Variants in A2M observed in about 807,000 individuals in gnomAD.
A2M encodes C3 and PZP-like alpha-2-macroglobulin domain-containing protein 5.
In A2M, 128 loss-of-function variants were observed where a neutral mutation model predicts 183.9. The ratio of observed to expected loss-of-function variants is 0.70; its 90% CI spans 0.60 to 0.81. The LOEUF is 0.81. Among genes scored for constraint, A2M ranks in the 30% least tolerant of loss-of-function variants. A2M has a pLI of 0.00. For synonymous variants in A2M, 592 were observed against 670.8 expected (o/e 0.88, Z 1.81); for missense variants, 1,495 against 1,787.6 (o/e 0.84, Z 2.95).
intron 4 of A2M, among the ~76,000 whole-genome samples, chr12:9,111,797 T>A (rs1938748113): frequency 6.6e-6 from 1 of 152,216 alleles, no homozygotes; most frequent in South Asian, 2.1e-4. Flanking sequence ...ATAGTGAAGA[T>A]TTTGGTAGAT....
intron 33 of A2M, 76 bp downstream of exon 33, chr12:9,069,668 TG>T (rs933355195): frequency 8.4e-6 from 9 of 1,072,318 alleles, no homozygotes; most frequent in Non-Finnish European, 1.2e-5. Flanking sequence ...GTTTCTAAAA[TG>T]CATTTACCTT....
At position 9,089,893 on chromosome 12, in the gene A2M, T is replaced by C; in HGVS notation, c.2718+9A>G. On this transcript the variant is annotated intron_variant, in intron 21 of 35. Coordinates refer to ENST00000318602, the MANE Select transcript of A2M (RefSeq NM_000014.6). Reference sequence around the variant, plus strand: ...TATTGTGGACTATATATTATTTAGGTTTACTTACTTCAACCAACAGAGGCT... The same window carrying C: ...TATTGTGGACTATATATTATTTAGGCTTACTTACTTCAACCAACAGAGGCT... 7.5e-6 allele frequency: 12 copies of C among 1,604,210 alleles called. 2 individuals are homozygous for C. In the South Asian group the frequency reaches 1.2e-4, roughly 16 times the overall value.
chr12:9,083,143 G>A (rs6487587), intron 22 of A2M, among the ~76,000 whole-genome samples: 59,912 of 151,828 alleles, frequency 0.39, 12,888 homozygotes, highest in African/African-American at 0.55. Flanking sequence ...TGCAAGGACA[G>A]AAAAACAAAC....
chr12:9,083,769 A>G (rs1948977995), intron 22 of A2M, among the ~76,000 whole-genome samples: 2 of 150,938 alleles, frequency 1.3e-5, no homozygotes, highest in Non-Finnish European at 3.0e-5. Flanking sequence ...AAAAAAAAGC[A>G]GTAAGGGCTG....
intron 27 of A2M, 63 bp from the exon 28 acceptor site, chr12:9,076,999 A>G (rs1397135675): frequency 1.4e-6 from 2 of 1,445,718 alleles, no homozygotes; most frequent in African/African-American, 2.8e-5. Flanking sequence ...ATTCCCAGGC[A>G]AATACACGGA....
At chr12:9,078,675 TGTTA>T (rs747517211) in intron 25 of A2M, among the ~76,000 whole-genome samples, 1 of 152,236 alleles carries the variant, frequency 6.6e-6, no homozygotes, top group Non-Finnish European at 1.5e-5. Context: ...TACTTATTTT[TGTTA>T]GTTACTTGAG....
chr12:9,087,153 G>A (rs1949075149), intron 22 of A2M, among the ~76,000 whole-genome samples: 1 of 152,002 alleles, frequency 6.6e-6, no homozygotes, highest in Admixed American at 6.5e-5. Flanking sequence ...AAAATACAAT[G>A]TTCATGGATT....
intron 22 of A2M, among the ~76,000 whole-genome samples, chr12:9,086,732 C>T (rs1166267906): frequency 2.6e-5 from 4 of 152,148 alleles, no homozygotes; most frequent in Non-Finnish European, 5.9e-5. Context: ...TGGAACAAGA[C>T]AAGGATACCC....
chr12:9,079,167 C>T, intron 25 of A2M, 77 bp downstream of exon 25: 2 of 1,090,022 alleles, frequency 1.8e-6, no homozygotes, highest in Non-Finnish European at 2.8e-6. Context: ...GATAGTGTTG[C>T]TGTGAATATA....
chr12:9,102,339 T>C (rs751552750), intron 11 of A2M, among the ~76,000 whole-genome samples: 4 of 152,114 alleles, frequency 2.6e-5, no homozygotes, highest in African/African-American at 4.8e-5. Context: ...GTCAGCCTCC[T>C]GAGTTGCTAG....
intron 31 of A2M, among the ~76,000 whole-genome samples, chr12:9,070,825 AT>A (rs11438631): frequency 7.1e-4 from 103 of 145,730 alleles, no homozygotes; most frequent in East Asian, 1.0e-3. Flanking sequence ...GAGGATCTGC[AT>A]TTTTTTTTTT....
chr12:9,082,261 G>GCC (rs780452503), intron 22 of A2M, among the ~76,000 whole-genome samples: 48 of 152,120 alleles, frequency 3.2e-4, no homozygotes, highest in Non-Finnish European at 5.3e-4. Context: ...TAACCTCACA[G>GCC]CCCGGATTGT....
In A2M at chr12:9,101,472, AG is replaced by A; in HGVS notation, c.1468del (p.Leu490Ter). 1 of 1,613,828 alleles carries A rather than the reference AG, an allele frequency of 6.2e-7. No individual in the cohort carries two copies. The highest frequency in any genetic ancestry group is 8.5e-7 in the Non-Finnish European group (1 of 1,179,808). On this transcript the variant is annotated frameshift_variant, in exon 12 of 36. Coordinates refer to ENST00000318602, the MANE Select transcript of A2M (RefSeq NM_000014.6). LOFTEE classifies it high-confidence loss of function. ...YILNGGTLLG[L>X]KKLSFYYLIM... ...CAGATAATAGAAGGAGAGCTTCTTCAGCCCCAGCAGGGTGCCTCCATTCAGA... is the reference window on the plus strand; with the variant it reads ...CAGATAATAGAAGGAGAGCTTCTTCACCCCAGCAGGGTGCCTCCATTCAGA...
chr12:9,077,430 C>T lies in A2M; in HGVS notation c.3277-10G>A, dbSNP rs765945333. On this transcript the variant is annotated splice_polypyrimidine_tract_variant and intron_variant, in intron 26 of 35. Coordinates refer to ENST00000318602, the MANE Select transcript of A2M (RefSeq NM_000014.6). The stretch of plus-strand genomic sequence containing the variant: ...CATCTTCTACTCCTCCCTGTGAATA[C>T]GAGAGAGAGATCTGAATAATTCAAC... 14 of 1,608,280 alleles carry T rather than the reference C, an allele frequency of 8.7e-6. No homozygotes were observed. Among genetic ancestry groups the T allele is most frequent in the South Asian group, 3.3e-5 (3 of 90,340 alleles).
chr12:9,106,377 G>T, intron 9 of A2M, 32 bp from the exon 10 acceptor site: 1 of 1,526,422 alleles, frequency 6.6e-7, no homozygotes. Context: ...TGTTATTTTT[G>T]GGAAGAATGA....
intron 10 of A2M, among the ~76,000 whole-genome samples, chr12:9,105,629 G>A (rs1432034080): frequency 1.3e-5 from 2 of 152,126 alleles, no homozygotes; most frequent in African/African-American, 2.4e-5. Flanking sequence ...AAAATTGTAA[G>A]AGAAGATTTT....
intron 19 of A2M, 96 bp from the exon 20 acceptor site, chr12:9,090,578 G>C (rs1243192745): frequency 1.5e-6 from 2 of 1,344,100 alleles, no homozygotes; most frequent in African/African-American, 2.9e-5. Context: ...TTAGATTTCA[G>C]GTTGCCTCAC....
At position 9,070,370 on chromosome 12, in the gene A2M, A is replaced by C. The variant is rs747418675; in HGVS notation, c.4194+118T>G. 37 of 712,648 alleles carry C rather than the reference A, an allele frequency of 5.2e-5. No homozygotes were observed. In the South Asian group the frequency reaches 6.8e-4, roughly 13 times the overall value. The allele number at this position is 712,648 out of a possible 1,614,324, so 44.1% of individuals were successfully genotyped here. ...GTGATTATATTTCTGAGCTGGAAAA[A>C]GGATAAGGCTTTGATAGAGATTGAC... is the stretch of plus-strand genomic sequence containing the variant. On this transcript the variant is annotated intron_variant, in intron 32 of 35. Coordinates refer to ENST00000318602, the MANE Select transcript of A2M (RefSeq NM_000014.6).
At chr12:9,076,384 T>G (rs919262567) in intron 28 of A2M, among the ~76,000 whole-genome samples, 2 of 152,234 alleles carry the variant, frequency 1.3e-5, no homozygotes, top group Non-Finnish European at 2.9e-5. Context: ...AGGAAGTTAA[T>G]GACTTTCCCA....
Sources: gnomAD v4.1 joint callset for allele counts (sites outside exome capture counted in the v4.1 genomes callset) on GRCh38, gnomAD v4.1.1 for gene constraint, MANE v1.5 for transcripts, NCBI Gene and HGNC (gene_info 2026-07-23, HGNC 2026-07-21) for gene names.